RAB38: variants seen among roughly 807,000 people sequenced by gnomAD.
The protein encoded by RAB38 is ras-related protein Rab-38.
In RAB38, 15 loss-of-function variants were observed where a neutral mutation model predicts 18.4. The observed-to-expected ratio is 0.82, with a 90% CI of 0.55 to 1.26. RAB38 has a LOEUF of 1.26. Among genes scored for constraint, RAB38 ranks in the 50% most tolerant of loss-of-function variants. The pLI, the probability that RAB38 is intolerant of heterozygous loss-of-function variation, is 0.00. For synonymous variants in RAB38, 101 were observed against 104.4 expected (o/e 0.97, Z 0.20); for missense variants, 294 against 267.4 (o/e 1.10, Z -0.69).
the RAB38 span, among the ~76,000 whole-genome samples, chr11:87,812,356 G>A: frequency 3.3e-5 from 5 of 152,102 alleles, no homozygotes; most frequent in African/African-American, 1.2e-4. Flanking sequence ...AGCCATGTTG[G>A]ACACTGGGCT....
the RAB38 span, among the ~76,000 whole-genome samples, chr11:87,871,688 C>T: frequency 6.6e-6 from 1 of 151,568 alleles, no homozygotes; most frequent in Non-Finnish European, 1.5e-5. Flanking sequence ...CTAGCTACTA[C>T]ATTTTCCCTG....
the RAB38 span, among the ~76,000 whole-genome samples, chr11:87,812,529 A>C: frequency 6.6e-6 from 1 of 152,232 alleles, no homozygotes. Flanking sequence ...TCTGAATATT[A>C]TGAAGAGTCT....
the RAB38 span, among the ~76,000 whole-genome samples, chr11:87,822,126 C>A: frequency 6.7e-6 from 1 of 150,318 alleles, no homozygotes; most frequent in Non-Finnish European, 1.5e-5. Flanking sequence ...AATACCAGAA[C>A]AATTCAAGAG....
the RAB38 span, among the ~76,000 whole-genome samples, chr11:87,967,789 C>A: frequency 6.6e-6 from 1 of 152,282 alleles, no homozygotes; most frequent in South Asian, 2.1e-4. Context: ...TTCTTCTTTT[C>A]TCTTTCGAAA....
the RAB38 span, among the ~76,000 whole-genome samples, chr11:87,852,036 T>C: frequency 6.6e-6 from 1 of 152,132 alleles, no homozygotes; most frequent in Non-Finnish European, 1.5e-5. Flanking sequence ...TCATGGAGAA[T>C]TATAATTGGA....
the RAB38 span, among the ~76,000 whole-genome samples, chr11:87,964,137 T>C: frequency 6.6e-6 from 1 of 152,068 alleles, no homozygotes; most frequent in East Asian, 1.9e-4. Flanking sequence ...CCTCCCCAAA[T>C]GTAGTAACTT....
chr11:87,831,363 C>CA, the RAB38 span, among the ~76,000 whole-genome samples: 1 of 152,120 alleles, frequency 6.6e-6, no homozygotes, highest in East Asian at 1.9e-4. Context: ...ACTTCAGAGG[C>CA]ATGCATTTTA....
chr11:87,808,461 T>C, the RAB38 span, among the ~76,000 whole-genome samples: 145,059 of 152,262 alleles, frequency 0.95, 69,138 homozygotes, highest in East Asian at 1. Context: ...AAATACCTCA[T>C]GATCTCACTC....
intron 1 of RAB38, among the ~76,000 whole-genome samples, chr11:88,160,701 G>T (rs1216798212): frequency 6.6e-6 from 1 of 152,096 alleles, no homozygotes; most frequent in African/African-American, 2.4e-5. Context: ...GTAGCTGGAG[G>T]CCATTACCCT....
chr11:88,052,935 T>C, the RAB38 span, among the ~76,000 whole-genome samples: 16,003 of 85,744 alleles, frequency 0.19, 2,382 homozygotes, highest in East Asian at 0.32. Flanking sequence ...TATATATATA[T>C]ATATATATAA....
chr11:88,032,863 C>A, the RAB38 span, among the ~76,000 whole-genome samples: 161 of 152,298 alleles, frequency 1.1e-3, 2 homozygotes, highest in African/African-American at 3.6e-3. Context: ...TTGACCCAGC[C>A]ATCCCATTAC....
chr11:88,154,092 G>T (rs577624587), intron 1 of RAB38, among the ~76,000 whole-genome samples: 1 of 152,284 alleles, frequency 6.6e-6, no homozygotes, highest in African/African-American at 2.4e-5. Context: ...TTCCATTGGG[G>T]ATCCCAGCAA....
chr11:88,152,655 T>C (rs1277472263), intron 1 of RAB38, among the ~76,000 whole-genome samples: 1 of 152,234 alleles, frequency 6.6e-6, no homozygotes, highest in Non-Finnish European at 1.5e-5. Context: ...CAGTCCTCTT[T>C]GCTCTTTCTT....
the RAB38 span, among the ~76,000 whole-genome samples, chr11:88,017,786 C>T: frequency 6.7e-6 from 1 of 150,182 alleles, no homozygotes; most frequent in South Asian, 2.1e-4. Context: ...CTGTGATTTC[C>T]TCTTTTTCAG....
the RAB38 span, among the ~76,000 whole-genome samples, chr11:88,095,022 C>T: frequency 6.6e-6 from 1 of 151,886 alleles, no homozygotes; most frequent in Middle Eastern, 3.4e-3. Flanking sequence ...TCCATTCATG[C>T]CCTAGATCCT....
chr11:88,080,853 A>AGGAG, the RAB38 span, among the ~76,000 whole-genome samples: 54 of 135,592 alleles, frequency 4.0e-4, no homozygotes, highest in Non-Finnish European at 5.7e-4. Context: ...GAAGGAAGGA[A>AGGAG]GGAGGGAGGG....
the RAB38 span, among the ~76,000 whole-genome samples, chr11:87,936,439 A>C: frequency 6.6e-6 from 1 of 152,084 alleles, no homozygotes; most frequent in African/African-American, 2.4e-5. Flanking sequence ...ACCTTTGTCA[A>C]AATATCAGTT....
At chr11:88,006,877 G>C in the RAB38 span, among the ~76,000 whole-genome samples, 2 of 151,238 alleles carry the variant, frequency 1.3e-5, no homozygotes, top group Admixed American at 1.3e-4. Context: ...GTGATGGTTA[G>C]AGATTGGTCA....
chr11:87,951,671 C>A, the RAB38 span, among the ~76,000 whole-genome samples: 2 of 152,164 alleles, frequency 1.3e-5, no homozygotes, highest in East Asian at 3.9e-4. Flanking sequence ...ACTCCAGACC[C>A]TGTTTGCCTG....
Sources: allele counts gnomAD v4.1 joint callset (sites outside exome capture counted in the v4.1 genomes callset), GRCh38; gene constraint gnomAD v4.1.1; transcripts MANE v1.5; gene names NCBI Gene and HGNC (gene_info 2026-07-23, HGNC 2026-07-21).